Variants in WBP2NL observed in about 807,000 individuals in gnomAD.
WBP2NL encodes the protein postacrosomal sheath WW domain-binding protein.
A neutral mutation model predicts 23.3 loss-of-function variants in WBP2NL; 27 were observed. The observed-to-expected ratio is 1.16, with a 90% CI of 0.85 to 1.60. The LOEUF (loss-of-function observed/expected upper bound fraction) is 1.60. Ranked by LOEUF, WBP2NL falls within the 40% of genes most tolerant of loss-of-function variation. WBP2NL has a pLI of 0.00. For synonymous variants in WBP2NL, 151 were observed against 145.9 expected, an observed-to-expected ratio of 1.03 and a Z score of -0.25; for missense variants, 370 against 389.5, an observed-to-expected ratio of 0.95 and a Z score of 0.42.
At chr22:42,020,485 T>C (rs1029713532) in intron 4 of WBP2NL, among the ~76,000 whole-genome samples, 5 of 152,168 alleles carry the variant, frequency 3.3e-5, no homozygotes, top group Non-Finnish European at 7.3e-5. Flanking sequence ...AGTACCATGT[T>C]ACAGGGTAGG....
chr22:42,028,851 A>G (rs1489466820), downstream of WBP2NL, among the ~76,000 whole-genome samples: 1 of 152,246 alleles, frequency 6.6e-6, no homozygotes, highest in Non-Finnish European at 1.5e-5. Context: ...AAGTCAGGAG[A>G]CATAGGACAA....
At chr22:42,004,046 T>C (rs1379677382) in intron 1 of WBP2NL, among the ~76,000 whole-genome samples, 1 of 152,064 alleles carries the variant, frequency 6.6e-6, no homozygotes, top group Non-Finnish European at 1.5e-5. Flanking sequence ...CCGAGGCAGG[T>C]GGGTCACTTG....
intron 1 of WBP2NL, among the ~76,000 whole-genome samples, chr22:42,010,385 A>C (rs922526528): frequency 6.6e-6 from 1 of 152,160 alleles, no homozygotes; most frequent in African/African-American, 2.4e-5. Context: ...CCTTGTTTCT[A>C]ATCTTAGAGG....
chr22:42,020,106 G>A lies in WBP2NL; in HGVS notation c.406+10G>A. On this transcript the variant is annotated intron_variant, in intron 4 of 5. Transcript: ENST00000328823. Reference sequence around the variant, plus strand: ...AAAGCTGCCTCTGCTGGTAAGTGATGCTGATAAAGATATTAAGCACTTTGG... The same window carrying A: ...AAAGCTGCCTCTGCTGGTAAGTGATACTGATAAAGATATTAAGCACTTTGG... The A allele has an allele frequency of 6.2e-7, 1 of 1,610,672 alleles. No individual in the cohort carries two copies. The highest frequency in any genetic ancestry group is 8.5e-7 in the Non-Finnish European group (1 of 1,177,446).
chr22:42,030,385 C>T (rs1269328140), downstream of WBP2NL, among the ~76,000 whole-genome samples: 3 of 152,160 alleles, frequency 2.0e-5, no homozygotes, highest in Admixed American at 6.5e-5. Context: ...GCTTTATATC[C>T]AATTTACAGA....
intron 1 of WBP2NL, among the ~76,000 whole-genome samples, chr22:42,014,379 C>G (rs1169873563): frequency 1.3e-5 from 2 of 152,108 alleles, no homozygotes; most frequent in Non-Finnish European, 2.9e-5. Context: ...GTGCACTCCA[C>G]CATGCTTGGC....
intron 5 of WBP2NL, among the ~76,000 whole-genome samples, chr22:42,026,291 T>C (rs1310430233): frequency 1.4e-5 from 2 of 146,912 alleles, no homozygotes; most frequent in Admixed American, 6.9e-5. Context: ...ATAATAATAA[T>C]AATAATAATA....
rs1028679441 is a variant in WBP2NL at position 42,022,125 on chromosome 22, C to T, written c.407-124C>T. Reference sequence around the variant, plus strand: ...CATGTTTCTTTTTTATCTTGTGTCTCAAGAGCATTGTTGGAAACACATGTA... The same window carrying T: ...CATGTTTCTTTTTTATCTTGTGTCTTAAGAGCATTGTTGGAAACACATGTA... On this transcript the variant is annotated intron_variant, in intron 4 of 5. Transcript: ENST00000328823. 1.0e-5 allele frequency: 8 copies of T among 794,110 alleles called. No homozygotes were observed. The African/African-American group carries it at 1.2e-4, about 12-fold the overall frequency. 49.2% of individuals were successfully genotyped at this position (794,110 alleles called of 1,614,324 possible).
chr22:42,020,511 C>T (rs1923791371), intron 4 of WBP2NL, among the ~76,000 whole-genome samples: 1 of 152,132 alleles, frequency 6.6e-6, no homozygotes. Flanking sequence ...AAAGATTATT[C>T]AGTCCCTTCC....
intron 5 of WBP2NL, among the ~76,000 whole-genome samples, chr22:42,023,720 C>A (rs1177479878): frequency 6.6e-6 from 1 of 152,044 alleles, no homozygotes; most frequent in East Asian, 1.9e-4. Flanking sequence ...TGGTCTCGAT[C>A]TCCTGACCTT....
chr22:42,053,465 TTTTTC>T, intron 8 of WBP2NL, among the ~76,000 whole-genome samples: 1 of 151,798 alleles, frequency 6.6e-6, no homozygotes, highest in African/African-American at 2.4e-5. Context: ...TTTCTTTTTC[TTTTTC>T]TTTTTTTTTT....
At chr22:42,028,826 T>G (rs1322670822), downstream of WBP2NL, among the ~76,000 whole-genome samples, 1 of 152,268 alleles carries the variant, frequency 6.6e-6, no homozygotes, top group Non-Finnish European at 1.5e-5. Context: ...CATCACTGGC[T>G]GGAGAGCCAT....
downstream of WBP2NL, chr22:42,030,511 C>T (rs1438268312): frequency 1.3e-5 from 2 of 152,216 alleles, no homozygotes; most frequent in African/African-American, 4.8e-5. Flanking sequence ...AACACAGGGA[C>T]AGCCACTTTG....
At chr22:42,001,696 G>C in intron 1 of WBP2NL, 1 of 1,223,160 alleles carries the variant, frequency 8.2e-7, no homozygotes, top group Non-Finnish European at 1.2e-6. Flanking sequence ...ATTTATCTTT[G>C]AAGGTGAAGT....
At chr22:42,022,116 C>A in intron 4 of WBP2NL, 133 bp from the exon 5 acceptor site, 1 of 737,998 alleles carries the variant, frequency 1.4e-6, no homozygotes, top group Non-Finnish European at 2.3e-6. Context: ...TCTTTTTTAT[C>A]TTGTGTCTCA....
At chr22:42,057,911 T>A (rs1182244141) in intron 8 of WBP2NL, among the ~76,000 whole-genome samples, 33 of 63,740 alleles carry the variant, frequency 5.2e-4, no homozygotes, top group African/African-American at 2.1e-3. Context: ...ATTTTTTTTT[T>A]TTTTTTTTTT....
chr22:42,019,363 G>A lies in WBP2NL; in HGVS notation c.115G>A (p.Gly39Ser). ...GCTCTCCTTCCCACAGCGATCAGAA[G>A]GCTCAAATGTCTTTAGTGGTAGAAA... ...VELSFPQRSE[G>S]SNVFSGRKTG... Residue 39 changes from glycine to serine, a missense_variant, in exon 2 of 6, where the codon GGC becomes AGC. Coordinates refer to ENST00000328823, the MANE Select transcript of WBP2NL (RefSeq NM_152613.3). 3.7e-6 allele frequency: 6 copies of A among 1,614,176 alleles called. No individual in the cohort carries two copies. The highest frequency in any genetic ancestry group is 5.1e-6 in the Non-Finnish European group (6 of 1,180,040).
chr22:41,998,956 C>A, intron 1 of WBP2NL, 76 bp downstream of exon 1: 1 of 1,504,264 alleles, frequency 6.6e-7, no homozygotes, highest in Non-Finnish European at 9.0e-7. Flanking sequence ...CGCAAACTCT[C>A]AGCGAGTCAG....
downstream of WBP2NL, chr22:42,031,162 C>G (rs77397151): frequency 6.6e-6 from 1 of 152,206 alleles, no homozygotes; most frequent in Non-Finnish European, 1.5e-5. Flanking sequence ...TTTGGACCCA[C>G]GTGGTGCTGC....
Sources: allele counts gnomAD v4.1 joint callset (sites outside exome capture counted in the v4.1 genomes callset), GRCh38; gene constraint gnomAD v4.1.1; transcripts MANE v1.5; gene names NCBI Gene and HGNC (gene_info 2026-07-23, HGNC 2026-07-21).